Variants in THOC2 observed in about 807,000 individuals in gnomAD.
The protein encoded by THOC2 is THO complex 2.
Under a neutral mutation model 128.4 loss-of-function variants are expected in THOC2, and 10 were observed. The ratio of observed to expected loss-of-function variants is 0.08; its 90% CI spans 0.05 to 0.13. THOC2 has a LOEUF of 0.13. THOC2 is among the 10% of genes least tolerant of loss of function. THOC2 has a pLI of 1.00. For missense variants in THOC2, 535 were observed against 1,155.7 expected, an observed-to-expected ratio of 0.46 and a Z score of 7.79; for synonymous variants, 393 against 396.9, an observed-to-expected ratio of 0.99 and a Z score of 0.12.
intron 33 of THOC2, among the ~76,000 whole-genome samples, chrX:123,614,612 G>A (rs1476252671): frequency 1.8e-5 from 2 of 110,098 alleles, no homozygotes; most frequent in Non-Finnish European, 3.8e-5. Context: ...ACCATCCACC[G>A]ATAGGCAGTC....
At position 123,698,330 on chromosome X, in the gene THOC2, C is replaced by T. The variant is rs6648541; in HGVS notation, c.275-579G>A. 3.2e-3 allele frequency among the ~76,000 whole-genome samples: 347 copies of T among 109,817 alleles called. 8 individuals are homozygous for T. In the East Asian group the frequency reaches 0.084, roughly 27 times the overall value. ...AAAATTAGCCTGGGGTGGTGGCACA[C>T]GCCTGTAATTGCAGCTACTCAGGAG... On this transcript the variant is annotated intron_variant, in intron 4 of 38. Transcript: ENST00000245838.
At position 123,686,564 on chromosome X, in the gene THOC2, T is replaced by G. The variant is rs2050011389; in HGVS notation, c.752A>C (p.Lys251Thr). Residue 251 changes from lysine (K) to threonine (T), a missense_variant, in exon 8 of 39, where the codon AAA becomes ACA. Lys to Thr is a moderately conservative substitution (Grantham distance 78). Coordinates refer to ENST00000245838, the MANE Select transcript of THOC2 (RefSeq NM_001081550.2). ...TTTCTTTACCTGGTAAAACTTGAAT[T>G]TGAACCCAAGAATATGACACAGTGT... ...PQTLCHILGF[K>T]FKFYQEPNGE... The G allele has an allele frequency of 8.4e-7, 1 of 1,194,304 alleles. No individual in the cohort carries two copies. The highest frequency in any genetic ancestry group is 1.8e-5 in the African/African-American group (1 of 56,999).
intron 12 of THOC2, among the ~76,000 whole-genome samples, chrX:123,647,840 CAAAAAAA>C (rs60123342): frequency 2.7e-5 from 1 of 37,516 alleles, no homozygotes; most frequent in Non-Finnish European, 4.5e-5. Context: ...GACTCTGTCT[CAAAAAAA>C]AAAAAAAAAA....
chrX:123,610,821 T>C, intron 38 of THOC2, 97 bp downstream of exon 38: 1 of 713,711 alleles, frequency 1.4e-6, no homozygotes, highest in Non-Finnish European at 2.1e-6. Context: ...AAAAAACAAG[T>C]AGTTGTAGCT....
rs182141765 is a variant in THOC2, at chrX:123,633,411, T to C, written c.2137-371A>G. Among the ~76,000 whole-genome samples, 179 of 111,582 alleles carry C rather than the reference T, an allele frequency of 1.6e-3. 1 individual carries two copies. The highest frequency in any genetic ancestry group is 5.2e-3 in the African/African-American group (159 of 30,711). ...GATTATTTTATTTATTTATTTATTA[T>C]TTATTTTTTGAGACAGCATCTCACT... On this transcript the variant is annotated intron_variant, in intron 20 of 38. Coordinates refer to ENST00000245838, the MANE Select transcript of THOC2 (RefSeq NM_001081550.2).
At chrX:123,694,316 T>C (rs2050355045) in intron 7 of THOC2, among the ~76,000 whole-genome samples, 1 of 111,230 alleles carries the variant, frequency 9.0e-6, no homozygotes, top group African/African-American at 3.3e-5. Flanking sequence ...GCGCCTACCC[T>C]AGAAAGAACA....
chrX:123,624,047 AT>A lies in THOC2; in HGVS notation c.3318+12del, dbSNP rs755252382. 996 of 1,071,274 alleles carry A rather than the reference AT, an allele frequency of 9.3e-4. 2 individuals carry two copies. The highest frequency in any genetic ancestry group is 6.6e-3 in the African/African-American group (342 of 52,140). 88.3% of individuals were successfully genotyped at this position (1,071,274 alleles called of 1,213,427 possible). On this transcript the variant is annotated intron_variant, in intron 27 of 38. Transcript: ENST00000245838. The stretch of plus-strand genomic sequence containing the variant: ...GAAAAATTTGCCTTTGAAAAATCCA[AT>A]TTTTTTTTTACCTTGGTTAGTTTGT...
chrX:123,600,838 T>C lies in THOC2; in HGVS notation c.*519A>G, dbSNP rs1433591392. The stretch of plus-strand genomic sequence containing the variant: ...AACACGTTTAATGTTGTACATGTAC[T>C]ATATAAAATGATTCCTAAGCATTTC... On this transcript the variant is annotated 3_prime_UTR_variant, in exon 39 of 39. Coordinates refer to ENST00000245838, the MANE Select transcript of THOC2 (RefSeq NM_001081550.2). The C allele has an allele frequency of 4.4e-5, 5 of 112,750 alleles. No individual in the cohort carries two copies. Among genetic ancestry groups the C allele is most frequent in the Non-Finnish European group, 9.4e-5 (5 of 53,307 alleles). The allele number at this position is 112,750 out of a possible 1,213,427, so 9.3% of individuals were successfully genotyped here.
chrX:123,641,873 ATAAGT>A (rs1424293251), intron 15 of THOC2, among the ~76,000 whole-genome samples: 1 of 112,299 alleles, frequency 8.9e-6, no homozygotes, highest in African/African-American at 3.2e-5. Flanking sequence ...TCTACAAGTA[ATAAGT>A]TAATACATTA....
At chrX:123,701,434 G>A (rs893726594) in intron 4 of THOC2, among the ~76,000 whole-genome samples, 1 of 111,662 alleles carries the variant, frequency 9.0e-6, no homozygotes, top group Admixed American at 9.5e-5. Context: ...CATGTTACTC[G>A]TACAAGACAA....
At chrX:123,700,050 T>A (rs774982757) in intron 4 of THOC2, among the ~76,000 whole-genome samples, 11 of 111,157 alleles carry the variant, frequency 9.9e-5, no homozygotes, top group Non-Finnish European at 1.7e-4. Context: ...ATTTCCCCTA[T>A]GATTTCAATA....
At chrX:123,664,506 G>C (rs953669166) in intron 12 of THOC2, among the ~76,000 whole-genome samples, 4 of 111,612 alleles carry the variant, frequency 3.6e-5, no homozygotes, top group African/African-American at 9.8e-5. Context: ...AACAAATTTA[G>C]AAGAAAAAAC....
intron 19 of THOC2, 34 bp from the exon 20 acceptor site, chrX:123,634,104 T>C: frequency 1.2e-6 from 1 of 826,566 alleles, no homozygotes. Flanking sequence ...AGTCTATAGT[T>C]AGAACTTCAA....
chrX:123,625,866 G>A, intron 25 of THOC2, 46 bp downstream of exon 25: 1 of 1,133,756 alleles, frequency 8.8e-7, no homozygotes, highest in Non-Finnish European at 1.2e-6. Flanking sequence ...TATAATGTTA[G>A]CTATCTTTGT....
At chrX:123,721,005 G>A (rs1459838927) in intron 1 of THOC2, among the ~76,000 whole-genome samples, 2 of 111,484 alleles carry the variant, frequency 1.8e-5, no homozygotes, top group Non-Finnish European at 3.8e-5. Context: ...TGTACTTATA[G>A]TTGACAATAT....
At chrX:123,690,359 A>G (rs749732709) in intron 7 of THOC2, among the ~76,000 whole-genome samples, 92 of 112,164 alleles carry the variant, frequency 8.2e-4, no homozygotes, top group Non-Finnish European at 1.4e-3. Flanking sequence ...CACTTTAAAT[A>G]TAAGCATTCT....
intron 22 of THOC2, among the ~76,000 whole-genome samples, chrX:123,629,132 A>C (rs1198323761): frequency 2.8e-5 from 3 of 106,816 alleles, no homozygotes; most frequent in Non-Finnish European, 3.8e-5. Flanking sequence ...TACACACACA[A>C]AAATATATAT....
intron 8 of THOC2, among the ~76,000 whole-genome samples, chrX:123,673,148 G>C (rs777594649): frequency 9.0e-6 from 1 of 111,299 alleles, no homozygotes; most frequent in South Asian, 3.8e-4. Context: ...AGACCAGCCC[G>C]GACAACACAA....
intron 15 of THOC2, among the ~76,000 whole-genome samples, chrX:123,641,435 T>C (rs1026238426): frequency 8.9e-6 from 1 of 112,358 alleles, no homozygotes. Flanking sequence ...TTAATTAATT[T>C]CTCATGACAA....
Sources: allele counts gnomAD v4.1 joint callset (sites outside exome capture counted in the v4.1 genomes callset), GRCh38; gene constraint gnomAD v4.1.1; transcripts MANE v1.5; gene names NCBI Gene and HGNC (gene_info 2026-07-23, HGNC 2026-07-21).